The following ARHGAP24 variants were observed in gnomAD, a reference collection of about 807,000 sequenced individuals.
ARHGAP24 encodes rho GTPase-activating protein 24.
In ARHGAP24, 50 loss-of-function variants were observed where a neutral mutation model predicts 76.4. The observed-to-expected ratio is 0.65, with a 90% confidence interval of 0.52 to 0.83. The LOEUF (loss-of-function observed/expected upper bound fraction) is 0.83. Ranked by LOEUF, ARHGAP24 falls within the 40% of genes least tolerant of loss-of-function variation. The pLI, the probability that ARHGAP24 is intolerant of heterozygous loss-of-function variation, is 0.00. For missense variants in ARHGAP24, 930 were observed against 914.2 expected (o/e 1.02, Z -0.22); for synonymous variants, 345 against 323.3 (o/e 1.07, Z -0.72).
At chr4:85,807,916 G>T (rs912149230) in intron 3 of ARHGAP24, among the ~76,000 whole-genome samples, 9 of 151,980 alleles carry the variant, frequency 5.9e-5, no homozygotes, top group African/African-American at 2.2e-4. Flanking sequence ...ATCCCTCAAG[G>T]CACTTTTTTT....
intron 1 of ARHGAP24, among the ~76,000 whole-genome samples, chr4:85,478,964 T>A (rs557792205): frequency 6.6e-6 from 1 of 152,354 alleles, no homozygotes; most frequent in Non-Finnish European, 1.5e-5. Flanking sequence ...ACTGGGTAGA[T>A]TGGTGGTGGG....
At chr4:85,709,698 T>G (rs1724451954) in intron 2 of ARHGAP24, among the ~76,000 whole-genome samples, 1 of 152,158 alleles carries the variant, frequency 6.6e-6, no homozygotes, top group African/African-American at 2.4e-5. Context: ...GGATACAAAA[T>G]GTACAAAAAT....
At chr4:85,930,834 TAACAAGTA>T in intron 4 of ARHGAP24, 1 of 1,585,762 alleles carries the variant, frequency 6.3e-7, no homozygotes, top group Non-Finnish European at 8.6e-7. Context: ...ACTTCAAAAA[TAACAAGTA>T]AACAAGCATG....
At chr4:85,677,900 C>A (rs1723042770) in intron 2 of ARHGAP24, among the ~76,000 whole-genome samples, 1 of 152,090 alleles carries the variant, frequency 6.6e-6, no homozygotes, top group Non-Finnish European at 1.5e-5. Context: ...ATTAGCCAGA[C>A]ATGGGGCCGT....
chr4:85,652,134 A>T (rs1721968522), intron 2 of ARHGAP24, among the ~76,000 whole-genome samples: 1 of 152,178 alleles, frequency 6.6e-6, no homozygotes, highest in Non-Finnish European at 1.5e-5. Context: ...GATGCCAAAT[A>T]TTCATATTAG....
intron 1 of ARHGAP24, among the ~76,000 whole-genome samples, chr4:85,524,191 A>C (rs1724894558): frequency 6.6e-6 from 1 of 152,150 alleles, no homozygotes; most frequent in African/African-American, 2.4e-5. Context: ...TCCGCTACAG[A>C]ATTCTGATAC....
At chr4:85,519,545 A>G (rs1724655291) in intron 1 of ARHGAP24, among the ~76,000 whole-genome samples, 2 of 152,186 alleles carry the variant, frequency 1.3e-5, no homozygotes, top group African/African-American at 2.4e-5. Flanking sequence ...GAGATCATTT[A>G]TAATTTTATT....
chr4:85,573,830 T>A (rs1727247685), intron 2 of ARHGAP24, among the ~76,000 whole-genome samples: 1 of 152,206 alleles, frequency 6.6e-6, no homozygotes, highest in Non-Finnish European at 1.5e-5. Context: ...TTCTTGCTTC[T>A]AGATCCAGTG....
At chr4:85,568,277 A>T (rs918349444) in intron 1 of ARHGAP24, among the ~76,000 whole-genome samples, 1 of 146,426 alleles carries the variant, frequency 6.8e-6, no homozygotes, top group Non-Finnish European at 1.5e-5. Flanking sequence ...TTGTTGTGCA[A>T]TGAATTCTAG....
intron 2 of ARHGAP24, among the ~76,000 whole-genome samples, chr4:85,658,996 G>A (rs943712061): frequency 6.6e-6 from 1 of 152,172 alleles, no homozygotes; most frequent in African/African-American, 2.4e-5. Context: ...AGCCAAGTCC[G>A]TAGTAACTCT....
intron 2 of ARHGAP24, among the ~76,000 whole-genome samples, chr4:85,673,205 G>A (rs1395992545): frequency 2.0e-5 from 3 of 152,136 alleles, no homozygotes; most frequent in Admixed American, 2.0e-4. Context: ...TAGTGGCCTG[G>A]ATTCAGAGAT....
chr4:85,585,072 A>T (rs1727791134), intron 2 of ARHGAP24, among the ~76,000 whole-genome samples: 1 of 152,324 alleles, frequency 6.6e-6, no homozygotes, highest in African/African-American at 2.4e-5. Flanking sequence ...TAATTCATGA[A>T]ATAGCCTCTT....
rs1560779058 is a variant in ARHGAP24, at chr4:86,000,570, A to G, written c.2095A>G (p.Ile699Val). ...QERKKFTMIEIKMRNAERAKE... is the reference protein window; with the variant it reads ...QERKKFTMIEVKMRNAERAKE... ...GAGGAAAAAGTTCACAATGATAGAA[A>G]TAAAAATGCGAAATGCCGAGCGAGC... Residue 699 changes from isoleucine (I) to valine (V), a missense_variant, in exon 10 of 10, where the codon ATA becomes GTA. Transcript: ENST00000395184. The G allele has an allele frequency of 2.5e-6, 4 of 1,613,588 alleles. No homozygotes were observed. Among genetic ancestry groups the G allele is most frequent in the Non-Finnish European group, 3.4e-6 (4 of 1,179,816 alleles).
At chr4:85,759,030 GA>G (rs1363168938) in intron 3 of ARHGAP24, among the ~76,000 whole-genome samples, 4 of 151,972 alleles carry the variant, frequency 2.6e-5, no homozygotes, top group African/African-American at 4.8e-5. Flanking sequence ...ACAATTAACA[GA>G]AAAAAAATTG....
At position 85,590,188 on chromosome 4, in the gene ARHGAP24, GCCTGCCTTCCTT is replaced by G. The variant is rs747158696; in HGVS notation, c.180+19471_180+19482del. ...TGCCTGCCTGCCTGCCTGCCTGCCT[GCCTGCCTTCCTT>G]CCTTCCTTCCTTCCTTCCTTCCTTC... On this transcript the variant is annotated intron_variant, in intron 2 of 9. Coordinates refer to ENST00000395184, the MANE Select transcript of ARHGAP24 (RefSeq NM_001025616.3). Among the ~76,000 whole-genome samples the G allele has an allele frequency of 6.7e-3, 757 of 112,254 alleles. 2 individuals are homozygous for G. Among genetic ancestry groups the G allele is most frequent in the Middle Eastern group, 0.022 (5 of 224 alleles). The allele number at this position is 112,254 out of a possible 152,430, so 73.6% of individuals were successfully genotyped here.
Position 85,610,208 on chromosome 4 carries a change from C to T in ARHGAP24, c.180+39487C>T, listed in dbSNP as rs143943115. ...TTCCTTAGGAAGCACCCTTGGGAAG[C>T]GGAGGCAGGCGGATCACGAGGTCAG... is the stretch of plus-strand genomic sequence containing the variant. On this transcript the variant is annotated intron_variant, in intron 2 of 9. Coordinates refer to ENST00000395184, the MANE Select transcript of ARHGAP24 (RefSeq NM_001025616.3). 1.6e-3 allele frequency among the ~76,000 whole-genome samples: 244 copies of T among 151,946 alleles called. 1 individual carries two copies. The highest frequency in any genetic ancestry group is 5.5e-3 in the African/African-American group (227 of 41,458).
chr4:85,607,088 T>A (rs1452728663), intron 2 of ARHGAP24, among the ~76,000 whole-genome samples: 3 of 152,142 alleles, frequency 2.0e-5, no homozygotes, highest in African/African-American at 7.2e-5. Flanking sequence ...AGGGCCTGAG[T>A]TTACTTCCCT....
At chr4:85,722,011 C>A in intron 3 of ARHGAP24, 39 bp downstream of exon 3, 2 of 1,565,264 alleles carry the variant, frequency 1.3e-6, no homozygotes, top group South Asian at 2.2e-5. Context: ...TATTGTCATC[C>A]TGTGTTGGTA....
chr4:85,875,888 A>T (rs1732906416), intron 3 of ARHGAP24, among the ~76,000 whole-genome samples: 1 of 151,162 alleles, frequency 6.6e-6, no homozygotes. Context: ...GACTACAGGC[A>T]TGTGCCATCA....
Sources: allele counts gnomAD v4.1 joint callset (sites outside exome capture counted in the v4.1 genomes callset), GRCh38; gene constraint gnomAD v4.1.1; transcripts MANE v1.5; gene names NCBI Gene and HGNC (gene_info 2026-07-23, HGNC 2026-07-21).